The following CDH2 variants were observed in gnomAD, a reference collection of about 807,000 sequenced individuals.
The protein encoded by CDH2 is cadherin-2.
A neutral mutation model predicts 92.0 loss-of-function variants in CDH2; 17 were observed. The ratio of observed to expected loss-of-function variants is 0.18; its 90% CI spans 0.13 to 0.28. The LOEUF (loss-of-function observed/expected upper bound fraction) is 0.28, where lower values mean the gene tolerates loss of function less well. Among genes scored for constraint, CDH2 ranks in the 10% least tolerant of loss-of-function variants. The probability of loss-of-function intolerance (pLI) is 1.00; values close to 1 mark genes in which losing one functional copy is unlikely to be tolerated. For synonymous variants in CDH2, 419 were observed against 415.9 expected, an observed-to-expected ratio of 1.01 and a Z score of -0.09; for missense variants, 862 against 1,133.1, an observed-to-expected ratio of 0.76 and a Z score of 3.44.
At chr18:28,020,764 T>C (rs1197090630) in intron 2 of CDH2, among the ~76,000 whole-genome samples, 2 of 151,980 alleles carry the variant, frequency 1.3e-5, no homozygotes, top group African/African-American at 4.8e-5. Context: ...GCAAAATCCA[T>C]AGAGCTGTGT....
intron 2 of CDH2, among the ~76,000 whole-genome samples, chr18:28,127,844 T>C (rs887890890): frequency 6.6e-6 from 1 of 152,242 alleles, no homozygotes; most frequent in African/African-American, 2.4e-5. Context: ...GGTTAACATA[T>C]TGTGAAGCTT....
At chr18:28,135,842 A>C (rs1439307395) in intron 2 of CDH2, among the ~76,000 whole-genome samples, 1 of 152,224 alleles carries the variant, frequency 6.6e-6, no homozygotes, top group African/African-American at 2.4e-5. Flanking sequence ...CTTGAAAACC[A>C]TGCAGAAATT....
chr18:28,074,017 A>C (rs999386096), intron 2 of CDH2, among the ~76,000 whole-genome samples: 1 of 152,170 alleles, frequency 6.6e-6, no homozygotes, highest in Non-Finnish European at 1.5e-5. Context: ...AGATTTGCCC[A>C]AAAAATTCTG....
chr18:28,041,463 G>A (rs1452624692), intron 2 of CDH2, among the ~76,000 whole-genome samples: 1 of 152,094 alleles, frequency 6.6e-6, no homozygotes, highest in African/African-American at 2.4e-5. Flanking sequence ...TTTAATCAAA[G>A]CCCGAAATCA....
intron 2 of CDH2, among the ~76,000 whole-genome samples, chr18:28,135,162 G>T (rs1441984161): frequency 1.3e-5 from 2 of 152,130 alleles, no homozygotes; most frequent in East Asian, 3.9e-4. Context: ...CAGCTAAATA[G>T]AATTTATGAA....
At chr18:28,006,445 C>T (rs770889047) in intron 5 of CDH2, among the ~76,000 whole-genome samples, 6 of 151,890 alleles carry the variant, frequency 4.0e-5, no homozygotes, top group Non-Finnish European at 7.4e-5. Context: ...AGGCCAGGCA[C>T]GGTGGCTCAC....
chr18:27,984,473 T>A (rs893773105), intron 13 of CDH2, among the ~76,000 whole-genome samples: 8 of 152,220 alleles, frequency 5.3e-5, no homozygotes, highest in African/African-American at 1.9e-4. Flanking sequence ...AGCTGTGTAA[T>A]CATTTCTATT....
intron 2 of CDH2, among the ~76,000 whole-genome samples, chr18:28,073,267 G>A (rs1180522169): frequency 1.3e-5 from 2 of 152,050 alleles, no homozygotes; most frequent in East Asian, 3.9e-4. Flanking sequence ...TCAATGTAGA[G>A]AAGTTCATTT....
At chr18:27,995,041 G>A (rs557470846) in intron 7 of CDH2, among the ~76,000 whole-genome samples, 2 of 152,118 alleles carry the variant, frequency 1.3e-5, no homozygotes, top group Admixed American at 6.5e-5. Flanking sequence ...GGCTAGGTGC[G>A]GTGGCTCACG....
chr18:28,096,777 G>A (rs1369597495), intron 2 of CDH2, among the ~76,000 whole-genome samples: 6 of 152,188 alleles, frequency 3.9e-5, no homozygotes, highest in African/African-American at 1.4e-4. Flanking sequence ...ATGAGGATAT[G>A]TAAAAAATGT....
chr18:28,021,677 A>G (rs2013414754), intron 2 of CDH2, among the ~76,000 whole-genome samples: 1 of 151,950 alleles, frequency 6.6e-6, no homozygotes. Context: ...ATATCCTTAT[A>G]AAATATTAAC....
chr18:28,091,484 C>A (rs927214656), intron 2 of CDH2, among the ~76,000 whole-genome samples: 1 of 151,554 alleles, frequency 6.6e-6, no homozygotes, highest in Non-Finnish European at 1.5e-5. Context: ...GAAAAAAAAA[C>A]CTTATTCATT....
intron 2 of CDH2, among the ~76,000 whole-genome samples, chr18:28,019,926 A>T (rs190133890): frequency 2.0e-5 from 3 of 152,272 alleles, no homozygotes; most frequent in Admixed American, 6.5e-5. Flanking sequence ...TTGATGAAAT[A>T]TTAGTCCTGA....
intron 2 of CDH2, among the ~76,000 whole-genome samples, chr18:28,119,916 T>C (rs1218062458): frequency 1.3e-5 from 2 of 151,948 alleles, no homozygotes; most frequent in Non-Finnish European, 2.9e-5. Flanking sequence ...CATCTCAGAC[T>C]GCAAATGAGG....
intron 14 of CDH2, among the ~76,000 whole-genome samples, chr18:27,974,776 A>G (rs2011771328): frequency 6.6e-6 from 1 of 152,196 alleles, no homozygotes; most frequent in Non-Finnish European, 1.5e-5. Context: ...TCATTGTATG[A>G]GGACACAGCA....
At chr18:27,946,019 A>G (rs941205607), downstream of CDH2, among the ~76,000 whole-genome samples, 1 of 152,208 alleles carries the variant, frequency 6.6e-6, no homozygotes, top group Non-Finnish European at 1.5e-5. Flanking sequence ...CTATATTAAT[A>G]TGGAATAATG....
chr18:27,966,037 A>T, intron 14 of CDH2, among the ~76,000 whole-genome samples: 3 of 149,900 alleles, frequency 2.0e-5, no homozygotes, highest in African/African-American at 5.0e-5. Context: ...GAGAAATTTT[A>T]ATGCTTTCAC....
intron 7 of CDH2, among the ~76,000 whole-genome samples, chr18:27,997,475 C>A (rs2143991575): frequency 6.6e-6 from 1 of 152,300 alleles, no homozygotes. Flanking sequence ...ATATGAAGAA[C>A]CTTCAATAGT....
At chr18:28,152,644 A>C (rs1201746306) in intron 1 of CDH2, among the ~76,000 whole-genome samples, 1 of 152,156 alleles carries the variant, frequency 6.6e-6, no homozygotes. Context: ...TTGAGGCTGG[A>C]GAGTTAGACA....
Sources: gnomAD v4.1 joint callset for allele counts (sites outside exome capture counted in the v4.1 genomes callset) on GRCh38, gnomAD v4.1.1 for gene constraint, MANE v1.5 for transcripts, NCBI Gene and HGNC (gene_info 2026-07-23, HGNC 2026-07-21) for gene names.